RNF44: variants seen among roughly 807,000 people sequenced by gnomAD.
RNF44 encodes ring finger protein 44.
In RNF44, 25 loss-of-function variants were observed where a neutral mutation model predicts 53.6. The ratio of observed to expected loss-of-function variants is 0.47; its 90% CI spans 0.34 to 0.65. The LOEUF is 0.65. Ranked by LOEUF, RNF44 falls within the 30% of genes least tolerant of loss-of-function variation. The pLI is 0.01. For synonymous variants in RNF44, 282 were observed against 252.2 expected (o/e 1.12, Z -1.12); for missense variants, 581 against 595.5 (o/e 0.98, Z 0.25).
chr5:176,540,118 T>C (rs1247850518), upstream of RNF44, among the ~76,000 whole-genome samples: 2 of 152,232 alleles, frequency 1.3e-5, no homozygotes, highest in Admixed American at 1.3e-4. Context: ...CTTTACCTCA[T>C]GCCATTTAAT....
chr5:176,533,393 C>T lies in RNF44; in HGVS notation c.-44-877G>A, dbSNP rs543740097. Among the ~76,000 whole-genome samples, 57 of 152,256 alleles carry T rather than the reference C, an allele frequency of 3.7e-4. No individual in the cohort carries two copies. In the South Asian group the frequency reaches 9.7e-3, roughly 26 times the overall value. ...AGGAATGTATAGCTGGCCCATTTTA[C>T]GGGGGAGGAAACTGAGGCTCAGCAA... On this transcript the variant is annotated intron_variant, in intron 1 of 10. Transcript: ENST00000274811.
At position 176,529,772 on chromosome 5, in the gene RNF44, G is replaced by C; in HGVS notation, c.973C>G (p.Leu325Val). 1 of 1,611,952 alleles carries C rather than the reference G, an allele frequency of 6.2e-7. No homozygotes were observed. The highest frequency in any genetic ancestry group is 8.5e-7 in the Non-Finnish European group (1 of 1,178,878). ...SPTAMGPTIS[L>V]DLDVDDVEME... ...TCCACATCATCCACGTCCAGGTCCA[G>C]GCTGATGGTGGGCCCCATTGCTGTT... The change falls in exon 8 of 11, where the codon CTG (leucine) becomes GTG (valine). Residue 325 changes from leucine (L) to valine (V), a missense_variant. Physicochemically the swap from Leu to Val is conservative, Grantham distance 32. Around this residue, in one of 3 missense-constraint regions of RNF44, gnomAD observed 183 missense variants for 198.6 expected, o/e 0.92. Coordinates refer to ENST00000274811, the MANE Select transcript of RNF44 (RefSeq NM_014901.5).
upstream of RNF44, among the ~76,000 whole-genome samples, chr5:176,540,340 C>T (rs1473865758): frequency 6.6e-6 from 1 of 152,180 alleles, no homozygotes; most frequent in African/African-American, 2.4e-5. Context: ...CCATCCCCAC[C>T]CCAGGAAAGC....
upstream of RNF44, among the ~76,000 whole-genome samples, chr5:176,542,252 G>C (rs1757464667): frequency 6.6e-6 from 1 of 152,192 alleles, no homozygotes; most frequent in African/African-American, 2.4e-5. Context: ...CCTGAGGCCA[G>C]CCTGCCCTGC....
upstream of RNF44, among the ~76,000 whole-genome samples, chr5:176,539,960 G>A (rs1757410963): frequency 6.6e-6 from 1 of 152,156 alleles, no homozygotes; most frequent in Non-Finnish European, 1.5e-5. Flanking sequence ...TGCCTGGGAT[G>A]CCCTCTCTTT....
At chr5:176,541,853 G>C (rs1757454963), upstream of RNF44, among the ~76,000 whole-genome samples, 2 of 152,198 alleles carry the variant, frequency 1.3e-5, no homozygotes, top group Non-Finnish European at 2.9e-5. Context: ...GTACCAGCCA[G>C]GGACACAGCA....
upstream of RNF44, chr5:176,537,690 A>G: frequency 6.6e-6 from 1 of 152,228 alleles, no homozygotes; most frequent in Non-Finnish European, 1.5e-5. Context: ...TCCCTGCCGA[A>G]GAAATGGGTC....
intron 6 of RNF44, 68 bp downstream of exon 6, chr5:176,530,514 C>T: frequency 1.5e-6 from 2 of 1,346,860 alleles, no homozygotes; most frequent in East Asian, 3.1e-5. Context: ...AGCCCAGATG[C>T]AGGTCGGCCC....
At position 176,528,746 on chromosome 5, in the gene RNF44, G is replaced by A. The variant is rs1335601680; in HGVS notation, c.*282C>T. On this transcript the variant is annotated 3_prime_UTR_variant, in exon 11 of 11. Transcript: ENST00000274811. ...GCACTCAGTGCCAGCAGGAAAAGGAGGGACCTGAGGGTGCACAGGAGGGAG... is the reference window on the plus strand; with the variant it reads ...GCACTCAGTGCCAGCAGGAAAAGGAAGGACCTGAGGGTGCACAGGAGGGAG... 5 of 512,504 alleles carry A rather than the reference G, an allele frequency of 9.8e-6. No homozygotes were observed. The highest frequency in any genetic ancestry group is 1.9e-5 in the African/African-American group (1 of 51,364). 31.7% of individuals were successfully genotyped at this position (512,504 alleles called of 1,614,324 possible).
In RNF44 at chr5:176,532,071, C is replaced by T. The variant is rs1179653503; in HGVS notation, c.230G>A (p.Gly77Asp). 6.2e-7 allele frequency: 1 copy of T among 1,606,342 alleles called. No individual in the cohort carries two copies. Residue 77 changes from glycine to aspartate, a missense_variant, in exon 3 of 11, where the codon GGC becomes GAC. Gly to Asp is a moderately conservative substitution (Grantham distance 94). This residue lies in a region of RNF44 where 387 missense variants were observed against 366.0 expected (regional missense o/e 1.06). Coordinates refer to ENST00000274811, the MANE Select transcript of RNF44 (RefSeq NM_014901.5). ...VEERRASAPA[G>D]GSPRMLHPAT... ...TGGGTGCAGCATTCGGGGGCTCCCGCCGGCAGGAGCCGAGGCTCGGCGCTC... is the reference window on the plus strand; with the variant it reads ...TGGGTGCAGCATTCGGGGGCTCCCGTCGGCAGGAGCCGAGGCTCGGCGCTC...
intron 6 of RNF44, 71 bp from the exon 7 acceptor site, chr5:176,530,277 G>GGGA: frequency 2.6e-6 from 1 of 387,638 alleles, no homozygotes; most frequent in Admixed American, 1.0e-4. Context: ...CCAGGTGCAA[G>GGGA]TCAGCCCGGT....
chr5:176,538,397 C>T (rs1044950366), upstream of RNF44, among the ~76,000 whole-genome samples: 3 of 152,176 alleles, frequency 2.0e-5, no homozygotes, highest in Non-Finnish European at 4.4e-5. Context: ...GAACCTAATC[C>T]AAAGCCGAGC....
Position 176,531,813 on chromosome 5 carries a change from G to T in RNF44, c.298-183C>A. The T allele has an allele frequency of 2.3e-6, 2 of 859,910 alleles. No individual in the cohort carries two copies. Among genetic ancestry groups the T allele is most frequent in the Non-Finnish European group, 3.5e-6 (2 of 568,658 alleles). The allele number at this position is 859,910 out of a possible 1,614,324, so 53.3% of individuals were successfully genotyped here. A position where few individuals can be genotyped will look rare whatever the true frequency, so the allele number is the denominator to read the frequency against. ...CCCCCGGGGCAGAGAAAGCCCCGTG[G>T]GAATCTAGCTCTGCTAGTCACCCAG... On this transcript the variant is annotated intron_variant, in intron 3 of 10. Transcript: ENST00000274811. The surrounding 1 kb of genome is among the most constrained non-coding windows in gnomAD (Gnocchi z 4.2).
At position 176,528,539 on chromosome 5, in the gene RNF44, G is replaced by A. The variant is rs1756250374; in HGVS notation, c.*489C>T. On this transcript the variant is annotated 3_prime_UTR_variant, in exon 11 of 11. Transcript: ENST00000274811. ...TTCACTGTTCGGGGTCAAGGAGGGGGGATTCAGCCCTGGGGCTCAGGAAAT... is the reference window on the plus strand; with the variant it reads ...TTCACTGTTCGGGGTCAAGGAGGGGAGATTCAGCCCTGGGGCTCAGGAAAT... 3.1e-5 allele frequency: 5 copies of A among 159,948 alleles called. No individual in the cohort carries two copies. In the South Asian group the frequency reaches 7.2e-4, roughly 23 times the overall value. 9.9% of individuals were successfully genotyped at this position (159,948 alleles called of 1,614,324 possible).
In RNF44 at chr5:176,531,840, G is replaced by A. The variant is rs1756697177; in HGVS notation, c.297+164C>T. On this transcript the variant is annotated intron_variant, in intron 3 of 10. Transcript: ENST00000274811. This position sits in a 1 kb window ranked among gnomAD's most constrained non-coding sequence, Gnocchi z 4.2. ...AATCTAGCTCTGCTAGTCACCCAGT[G>A]TGGCCCTTTCCCCGGGCCTCAGTTT... 2 of 879,552 alleles carry A rather than the reference G, an allele frequency of 2.3e-6. No homozygotes were observed. The allele number at this position is 879,552 out of a possible 1,614,324, so 54.5% of individuals were successfully genotyped here.
chr5:176,532,179 C>T lies in RNF44; in HGVS notation c.122G>A (p.Gly41Asp). The change falls in exon 3 of 11, where the codon GGC becomes GAC. Residue 41 changes from glycine (G) to aspartate (D), a missense_variant. Around this residue, in one of 3 missense-constraint regions of RNF44, gnomAD observed 387 missense variants for 366.0 expected, o/e 1.06. Transcript: ENST00000274811. ...GQLWGSPGLE[G>D]PLASPPARDE... ...CCGGGCAGGCGGGCTGGCCAGGGGG[C>T]CCTCGAGGCCAGGGCTGCACCACAG... is the stretch of plus-strand genomic sequence containing the variant. 2 of 1,531,992 alleles carry T rather than the reference C, an allele frequency of 1.3e-6. No homozygotes were observed. Among genetic ancestry groups the T allele is most frequent in the Non-Finnish European group, 1.8e-6 (2 of 1,142,320 alleles). 94.9% of individuals were successfully genotyped at this position (1,531,992 alleles called of 1,614,324 possible).
rs767837999 is a variant in RNF44 at position 176,530,650 on chromosome 5, G to A, written c.733C>T (p.Leu245Phe). The A allele has an allele frequency of 1.0e-5, 16 of 1,531,090 alleles. No homozygotes were observed. Among genetic ancestry groups the A allele is most frequent in the Non-Finnish European group, 1.4e-5 (16 of 1,141,508 alleles). 94.8% of individuals were successfully genotyped at this position (1,531,090 alleles called of 1,614,324 possible). ...TYSTSAPGPA[L>F]SPSVPLHYLP... ...TAGTGCAGGGGCACCGACGGGGAAA[G>A]GGCTGGGCCAGGCGCAGAGGTGGAG... The change falls in exon 6 of 11, where the codon CTT (leucine) becomes TTT (phenylalanine). Residue 245 changes from leucine to phenylalanine, a missense_variant. By Grantham distance (22) the Leu-to-Phe change is conservative (BLOSUM62 0). This residue lies in a region of RNF44 where 387 missense variants were observed against 366.0 expected (regional missense o/e 1.06). Coordinates refer to ENST00000274811, the MANE Select transcript of RNF44 (RefSeq NM_014901.5).
chr5:176,539,376 C>T (rs1348122358), upstream of RNF44, among the ~76,000 whole-genome samples: 1 of 152,220 alleles, frequency 6.6e-6, no homozygotes, highest in African/African-American at 2.4e-5. Flanking sequence ...GTTTTCCCCA[C>T]CACATAAAAG....
chr5:176,540,279 C>A (rs988727066), upstream of RNF44, among the ~76,000 whole-genome samples: 3 of 152,144 alleles, frequency 2.0e-5, no homozygotes, highest in African/African-American at 7.2e-5. Context: ...GGACCTGAGG[C>A]TCAAAGAGGT....
Sources: gnomAD v4.1 joint callset for allele counts (sites outside exome capture counted in the v4.1 genomes callset) on GRCh38, gnomAD v4.1.1 for gene constraint, gnomAD v4.1.1 regional missense constraint, Gnocchi (gnomAD v3.1) non-coding constraint, MANE v1.5 for transcripts, NCBI Gene and HGNC (gene_info 2026-07-23, HGNC 2026-07-21) for gene names.